The following TEX13A variants were observed in gnomAD, a reference collection of about 807,000 sequenced individuals.
TEX13A encodes the protein testis-expressed protein 13A.
Under a neutral mutation model 7.1 loss-of-function variants are expected in TEX13A, and 8 were observed. The ratio of observed to expected loss-of-function variants is 1.12; its 90% CI spans 0.66 to 2.03. The LOEUF is 2.03. Among genes scored for constraint, TEX13A ranks in the 30% most tolerant of loss-of-function variants. The pLI, the probability that TEX13A is intolerant of heterozygous loss-of-function variation, is 0.00. For synonymous variants in TEX13A, 151 were observed against 134.2 expected, an observed-to-expected ratio of 1.13 and a Z score of -0.87; for missense variants, 362 against 332.2, an observed-to-expected ratio of 1.09 and a Z score of -0.70.
At chrX:105,219,852 G>C in intron 2 of TEX13A, 94 bp from the exon 3 acceptor site, 1 of 1,070,765 alleles carries the variant, frequency 9.3e-7, no homozygotes, top group Non-Finnish European at 1.3e-6. Context: ...GAAGGGCGGG[G>C]CAGGGCGAAG....
In TEX13A at chrX:105,220,365, C is replaced by A; in HGVS notation, c.33G>T (p.Gly11=). ...AGGCCACCACGTTGCTATGCCGGAA[C>A]CCGCTACTGGGGTCCTCAGGTCTCA... MALRPEDPSS[G]FRHSNVVAFI... Residue 11 remains glycine (G), a synonymous_variant, in exon 2 of 3, where the codon GGG becomes GGT. Transcript: ENST00000600991. 1 of 1,198,091 alleles carries A rather than the reference C, an allele frequency of 8.3e-7. No individual in the cohort carries two copies. Among genetic ancestry groups the A allele is most frequent in the Non-Finnish European group, 1.1e-6 (1 of 887,452 alleles).
chrX:105,219,551 C>T lies in TEX13A; in HGVS notation c.643G>A (p.Glu215Lys). ...GTCTCCATGGGGGCAGCCCCAGCCTCCACAGGGGGAGCCATGGCCTCCACA... is the reference window on the plus strand; with the variant it reads ...GTCTCCATGGGGGCAGCCCCAGCCTTCACAGGGGGAGCCATGGCCTCCACA... ...APVEAMAPPV[E>K]AGAAPMETQF... The change falls in exon 3 of 3, where the codon GAG (glutamate) becomes AAG (lysine). Residue 215 changes from glutamate (E) to lysine (K), a missense_variant. By Grantham distance (56) the Glu-to-Lys change is moderately conservative. Coordinates refer to ENST00000600991, the MANE Select transcript of TEX13A (RefSeq NM_031274.5). The T allele has an allele frequency of 8.3e-7, 1 of 1,209,525 alleles. No homozygotes were observed. The highest frequency in any genetic ancestry group is 3.0e-5 in the East Asian group (1 of 33,793).
In TEX13A at chrX:105,218,998, C is replaced by G. The variant is rs1361967785; in HGVS notation, c.1196G>C (p.Cys399Ser). 5 of 1,208,256 alleles carry G rather than the reference C, an allele frequency of 4.1e-6. No homozygotes were observed. Among genetic ancestry groups the G allele is most frequent in the Non-Finnish European group, 5.6e-6 (5 of 894,326 alleles). The change falls in exon 3 of 3, where the codon TGT (cysteine) becomes TCT (serine). Residue 399 changes from cysteine to serine, a missense_variant. Transcript: ENST00000600991. ...TTTTTGCAGCCAGATTCCCTTCCCA[C>G]AGTCGAAGCAAGTATCCCTCCGTGA... ...NFSRRDTCFD[C>S]GKGIWLQKPH
chrX:105,220,186 C>A lies in TEX13A; in HGVS notation c.212G>T (p.Ser71Ile). Residue 71 changes from serine to isoleucine, a missense_variant, in exon 2 of 3, where the codon AGC becomes ATC. Physicochemically the swap from Ser to Ile is moderately radical, Grantham distance 142 (BLOSUM62 -2). Coordinates refer to ENST00000600991, the MANE Select transcript of TEX13A (RefSeq NM_031274.5). The part of the protein sequence containing the change: ...SEVKEACTWG[S>I]LALGVRFAHR... ...GGCAAAGCGCACTCCCAAGGCCAGG[C>A]TGCCCCAGGTGCAGGCCTCTTTGAC... is the stretch of plus-strand genomic sequence containing the variant. The A allele has an allele frequency of 8.3e-7, 1 of 1,211,237 alleles. No homozygotes were observed.
chrX:105,219,004 A>G lies in TEX13A; in HGVS notation c.1190T>C (p.Phe397Ser), dbSNP rs1556172019. 16 of 1,208,583 alleles carry G rather than the reference A, an allele frequency of 1.3e-5. No individual in the cohort carries two copies. The highest frequency in any genetic ancestry group is 1.8e-5 in the Non-Finnish European group (16 of 894,677). The stretch of plus-strand genomic sequence containing the variant: ...CAGCCAGATTCCCTTCCCACAGTCG[A>G]AGCAAGTATCCCTCCGTGAAAAATT... Reference protein sequence around the residue: ...AVNFSRRDTCFDCGKGIWLQK... With the variant: ...AVNFSRRDTCSDCGKGIWLQK... Residue 397 changes from phenylalanine (F) to serine (S), a missense_variant, in exon 3 of 3, where the codon TTC becomes TCC. By Grantham distance (155) the Phe-to-Ser change is radical. Coordinates refer to ENST00000600991, the MANE Select transcript of TEX13A (RefSeq NM_031274.5).
Position 105,219,435 on chromosome X carries a change from A to T in TEX13A, c.759T>A (p.Asp253Glu). 1 of 1,209,328 alleles carries T rather than the reference A, an allele frequency of 8.3e-7. No homozygotes were observed. The part of the protein sequence containing the change: ...RILLQLLGDA[D>E]QEKYTYWGQK... ...GCCCCCAATAGGTGTACTTTTCCTG[A>T]TCAGCATCTCCAAGGAGCTGCAGGA... Residue 253 changes from aspartate (D) to glutamate (E), a missense_variant, in exon 3 of 3, where the codon GAT (aspartate) becomes GAA (glutamate). Coordinates refer to ENST00000600991, the MANE Select transcript of TEX13A (RefSeq NM_031274.5).
At position 105,219,963 on chromosome X, in the gene TEX13A, C is replaced by G; in HGVS notation, c.435G>C (p.Lys145Asn). 8.4e-7 allele frequency: 1 copy of G among 1,195,833 alleles called. No individual in the cohort carries two copies. Among genetic ancestry groups the G allele is most frequent in the East Asian group, 3.0e-5 (1 of 33,634 alleles). The change falls in exon 2 of 3, where the codon AAG becomes AAC. Residue 145 changes from lysine to asparagine, a missense_variant and splice_region_variant. Transcript: ENST00000600991. Reference protein sequence around the residue: ...SLVEVQKERDKELVSPHEWEQ... With the variant: ...SLVEVQKERDNELVSPHEWEQ... ...CTGCATGGAGCGGCTTCCAACTCAC[C>G]TTGTCTCTCTCTTTCTGCACCTCCA...
chrX:105,219,706 G>T lies in TEX13A; in HGVS notation c.488C>A (p.Ala163Asp). 8.3e-7 allele frequency: 1 copy of T among 1,208,172 alleles called. No homozygotes were observed. The highest frequency in any genetic ancestry group is 1.1e-6 in the Non-Finnish European group (1 of 895,048). The change falls in exon 3 of 3, where the codon GCC (alanine) becomes GAC (aspartate). Residue 163 changes from alanine (A) to aspartate (D), a missense_variant. By Grantham distance (126) the Ala-to-Asp change is moderately radical. Coordinates refer to ENST00000600991, the MANE Select transcript of TEX13A (RefSeq NM_031274.5). ...WEQGAGWPGL[A>D]TAGGVCTEGA... ...TTCTGTGCAAACCCCTCCGGCAGTG[G>T]CCAGGCCTGGCCACCCTGCCCCCTG...
At position 105,220,151 on chromosome X, in the gene TEX13A, C is replaced by T. The variant is rs372241672; in HGVS notation, c.247G>A (p.Ala83Thr). 43 of 1,210,399 alleles carry T rather than the reference C, an allele frequency of 3.6e-5. No individual in the cohort carries two copies. The African/African-American group carries it at 7.0e-4, about 20-fold the overall frequency. The stretch of plus-strand genomic sequence containing the variant: ...CGCACCCTGTGCCTTTGTAGCTGTG[C>T]CTGCCTGTGGGCAAAGCGCACTCCC... ...ALGVRFAHRQ[A>T]QLQRHRVRWL... is the part of the protein sequence containing the mutation. Residue 83 changes from alanine to threonine, a missense_variant, in exon 2 of 3, where the codon GCA (alanine) becomes ACA (threonine). By Grantham distance (58) the Ala-to-Thr change is moderately conservative (BLOSUM62 0). Transcript: ENST00000600991.
chrX:105,220,372 C>A lies in TEX13A; in HGVS notation c.26G>T (p.Ser9Ile), dbSNP rs2033946593. ...CACGTTGCTATGCCGGAACCCGCTA[C>A]TGGGGTCCTCAGGTCTCAAGGCCAT... The part of the protein sequence containing the change: MALRPEDP[S>I]SGFRHSNVVA... The change falls in exon 2 of 3, where the codon AGT becomes ATT. Residue 9 changes from serine to isoleucine, a missense_variant. By Grantham distance (142) the Ser-to-Ile change is moderately radical. Coordinates refer to ENST00000600991, the MANE Select transcript of TEX13A (RefSeq NM_031274.5). 3 of 1,193,798 alleles carry A rather than the reference C, an allele frequency of 2.5e-6. No individual in the cohort carries two copies. The highest frequency in any genetic ancestry group is 5.9e-5 in the East Asian group (2 of 33,633).
chrX:105,220,463 CT>C, intron 1 of TEX13A, 34 bp from the exon 2 acceptor site: 1 of 1,001,945 alleles, frequency 1.0e-6, no homozygotes. Context: ...GGTTCCTTTC[CT>C]CCCCCTTAGC....
In TEX13A at chrX:105,220,306, C is replaced by A. The variant is rs1556179687; in HGVS notation, c.92G>T (p.Gly31Val). ...INEKMARHTK[G>V]PEFYLENISL... ...TATATTCTCAAGATAGAACTCGGGG[C>A]CTTTCGTGTGCCTGGCCATTTTCTC... The change falls in exon 2 of 3, where the codon GGC becomes GTC. Residue 31 changes from glycine (G) to valine (V), a missense_variant. By Grantham distance (109) the Gly-to-Val change is moderately radical. Transcript: ENST00000600991. 1.2e-5 allele frequency: 15 copies of A among 1,210,260 alleles called. No individual in the cohort carries two copies. Among genetic ancestry groups the A allele is most frequent in the Non-Finnish European group, 1.6e-5 (14 of 894,562 alleles).
Position 105,220,609 on chromosome X carries a change from C to T in TEX13A, c.-47G>A. 2.8e-6 allele frequency: 1 copy of T among 358,023 alleles called. No homozygotes were observed. The highest frequency in any genetic ancestry group is 4.8e-6 in the Non-Finnish European group (1 of 206,948). 29.5% of individuals were successfully genotyped at this position (358,023 alleles called of 1,213,427 possible). Reference sequence around the variant, plus strand: ...CCAGGCCTCACCTCTTCAGCCAGGGCCAGAGGAAGTACAGGCCAACCCCGC... The same window carrying T: ...CCAGGCCTCACCTCTTCAGCCAGGGTCAGAGGAAGTACAGGCCAACCCCGC... On this transcript the variant is annotated 5_prime_UTR_variant, in exon 1 of 3. Transcript: ENST00000600991.
Position 105,220,130 on chromosome X carries a change from C to T in TEX13A, c.268G>A (p.Val90Met). 1.7e-6 allele frequency: 2 copies of T among 1,211,827 alleles called. No homozygotes were observed. The highest frequency in any genetic ancestry group is 2.2e-6 in the Non-Finnish European group (2 of 895,449). Residue 90 changes from valine to methionine, a missense_variant, in exon 2 of 3, where the codon GTG becomes ATG. Transcript: ENST00000600991. ...HRQAQLQRHR[V>M]RWLHGFAKLH... is the part of the protein sequence containing the mutation. ...TTGGCGAAGCCGTGCAGCCACCGCA[C>T]CCTGTGCCTTTGTAGCTGTGCCTGC...
rs1253770472 is a variant in TEX13A, at chrX:105,219,197, G to A, written c.997C>T (p.Pro333Ser). The A allele has an allele frequency of 1.2e-5, 15 of 1,211,029 alleles. No homozygotes were observed. Among genetic ancestry groups the A allele is most frequent in the Non-Finnish European group, 1.5e-5 (13 of 895,099 alleles). ...TVTAPVPPQL[P>S]SDWEAFDTSL... ...GTATCAAAGGCCTCCCAGTCGGAAG[G>A]CAGCTGAGGCGGAACTGGTGCTGTG... Residue 333 changes from proline (P) to serine (S), a missense_variant, in exon 3 of 3, where the codon CCT (proline) becomes TCT (serine). By Grantham distance (74) the Pro-to-Ser change is moderately conservative. Transcript: ENST00000600991.
intron 2 of TEX13A, 37 bp from the exon 3 acceptor site, chrX:105,219,795 G>A (rs2033929797): frequency 1.7e-6 from 2 of 1,156,237 alleles, no homozygotes; most frequent in African/African-American, 3.5e-5. Context: ...TGTGTTCTGG[G>A]GGCAAGGCGG....
intron 2 of TEX13A, 40 bp downstream of exon 2, chrX:105,219,923 A>G: frequency 8.7e-7 from 1 of 1,148,842 alleles, no homozygotes; most frequent in Non-Finnish European, 1.2e-6. Flanking sequence ...GGCAGGGACC[A>G]GTTGAGGGAT....
Position 105,219,967 on chromosome X carries a change from T to C in TEX13A, c.431A>G (p.Asp144Gly), listed in dbSNP as rs782076281. 10 of 1,195,459 alleles carry C rather than the reference T, an allele frequency of 8.4e-6. No individual in the cohort carries two copies. In the South Asian group the frequency reaches 1.5e-4, roughly 17 times the overall value. ...ATGGAGCGGCTTCCAACTCACCTTG[T>C]CTCTCTCTTTCTGCACCTCCACGAG... ...TSLVEVQKER[D>G]KELVSPHEWE... is the part of the protein sequence containing the mutation. The change falls in exon 2 of 3, where the codon GAC becomes GGC. Residue 144 changes from aspartate to glycine, a missense_variant. By Grantham distance (94) the Asp-to-Gly change is moderately conservative (BLOSUM62 -1). Coordinates refer to ENST00000600991, the MANE Select transcript of TEX13A (RefSeq NM_031274.5).
chrX:105,220,039 G>A lies in TEX13A; in HGVS notation c.359C>T (p.Thr120Met), dbSNP rs782191180. ...DLKKLREQQE[T>M]ERKEAASRLR... ...CCGGGAGGCCGCCTCCTTGCGTTCCGTCTCCTGCTGCTCCCTGAGCTTCTT... is the reference window on the plus strand; with the variant it reads ...CCGGGAGGCCGCCTCCTTGCGTTCCATCTCCTGCTGCTCCCTGAGCTTCTT... Residue 120 changes from threonine to methionine, a missense_variant, in exon 2 of 3, where the codon ACG becomes ATG. Coordinates refer to ENST00000600991, the MANE Select transcript of TEX13A (RefSeq NM_031274.5). 26 of 1,210,165 alleles carry A rather than the reference G, an allele frequency of 2.1e-5. No individual in the cohort carries two copies. The South Asian group carries it at 2.8e-4, about 13-fold the overall frequency.
Sources: allele counts gnomAD v4.1 joint callset, GRCh38; gene constraint gnomAD v4.1.1; transcripts MANE v1.5; gene names NCBI Gene and HGNC (gene_info 2026-07-23, HGNC 2026-07-21).